SGCZ: variants seen among roughly 807,000 people sequenced by gnomAD.
The protein encoded by SGCZ is zeta-sarcoglycan.
SGCZ carries 40 observed loss-of-function variants against 41.3 expected under a neutral mutation model. The ratio of observed to expected loss-of-function variants is 0.97; its 90% CI spans 0.75 to 1.26. The LOEUF (loss-of-function observed/expected upper bound fraction) is 1.26. Among genes scored for constraint, SGCZ ranks in the 50% most tolerant of loss-of-function variants. The probability of loss-of-function intolerance (pLI) is 0.00; values close to 1 mark genes in which losing one functional copy is unlikely to be tolerated. For synonymous variants in SGCZ, 206 were observed against 137.5 expected (o/e 1.50, Z -3.49); for missense variants, 552 against 369.8 (o/e 1.49, Z -4.04).
intron 2 of SGCZ, among the ~76,000 whole-genome samples, chr8:14,469,945 T>C (rs973084571): frequency 6.6e-6 from 1 of 152,158 alleles, no homozygotes; most frequent in African/African-American, 2.4e-5. Context: ...TAAATGTGTT[T>C]ATCTGAGTTC....
At chr8:14,870,165 T>A (rs571731111) in intron 1 of SGCZ, among the ~76,000 whole-genome samples, 24 of 152,206 alleles carry the variant, frequency 1.6e-4, no homozygotes, top group African/African-American at 5.8e-4. Context: ...CTACCTGACT[T>A]CAAACTATGA....
intron 4 of SGCZ, among the ~76,000 whole-genome samples, chr8:14,217,328 T>TAC (rs1554480531): frequency 7.2e-6 from 1 of 139,100 alleles, no homozygotes; most frequent in African/African-American, 2.7e-5. Context: ...GCTCTATAGA[T>TAC]ACACACACAC....
At chr8:14,510,777 A>G (rs555949567) in intron 2 of SGCZ, among the ~76,000 whole-genome samples, 14 of 152,252 alleles carry the variant, frequency 9.2e-5, no homozygotes, top group African/African-American at 2.6e-4. Flanking sequence ...TGTGAATCGC[A>G]TTTTGCTCCT....
chr8:14,639,609 T>C (rs1806953241), intron 1 of SGCZ, among the ~76,000 whole-genome samples: 1 of 151,760 alleles, frequency 6.6e-6, no homozygotes, highest in Non-Finnish European at 1.5e-5. Context: ...ATGTATCTAT[T>C]CATGTATAGC....
At chr8:14,237,559 C>T (rs745728779) in intron 4 of SGCZ, 33 bp downstream of exon 4, 2 of 1,586,032 alleles carry the variant, frequency 1.3e-6, no homozygotes, top group South Asian at 1.1e-5. Flanking sequence ...AAACCAAGCA[C>T]AGTAGGAGCA....
At chr8:14,997,129 A>G (rs982352322) in intron 1 of SGCZ, among the ~76,000 whole-genome samples, 2 of 152,110 alleles carry the variant, frequency 1.3e-5, no homozygotes, top group African/African-American at 4.8e-5. Flanking sequence ...CCACGATTGC[A>G]TATCTCTTTG....
chr8:14,298,377 T>C (rs767262861), intron 3 of SGCZ, among the ~76,000 whole-genome samples: 8 of 152,002 alleles, frequency 5.3e-5, no homozygotes, highest in African/African-American at 9.6e-5. Context: ...AAGAATAAAA[T>C]ACATAATACT....
intron 1 of SGCZ, among the ~76,000 whole-genome samples, chr8:14,620,936 T>C (rs1806263567): frequency 6.6e-6 from 1 of 152,182 alleles, no homozygotes; most frequent in Non-Finnish European, 1.5e-5. Context: ...ATCCCATTAC[T>C]GGGTATATAC....
At chr8:14,337,214 T>G (rs1360718458) in intron 2 of SGCZ, among the ~76,000 whole-genome samples, 1 of 152,130 alleles carries the variant, frequency 6.6e-6, no homozygotes, top group Non-Finnish European at 1.5e-5. Context: ...TCTGCAATTG[T>G]CCCCTTCCTT....
intron 1 of SGCZ, among the ~76,000 whole-genome samples, chr8:14,831,771 T>TACACACACGTATATATGTGTGTAC (rs1802537380): frequency 1.4e-5 from 2 of 146,336 alleles, no homozygotes; most frequent in Non-Finnish European, 3.0e-5. Context: ...TATACATATA[T>TACACACACGTATATATGTGTGTAC]ACACACACGT....
chr8:14,539,199 C>T (rs1260612064), intron 2 of SGCZ, among the ~76,000 whole-genome samples: 1 of 152,022 alleles, frequency 6.6e-6, no homozygotes, highest in African/African-American at 2.4e-5. Flanking sequence ...CGTATCTTCC[C>T]TGGGCCTCCC....
At position 15,015,739 on chromosome 8, in the gene SGCZ, G is replaced by A. The variant is rs1412628033; in HGVS notation, c.39+221846C>T. On this transcript the variant is annotated intron_variant, in intron 1 of 7. Transcript: ENST00000382080. ...AAGAAATATACACGTGTGTGTGTGT[G>A]TGTGTGTGTGTGTGTGTGTGTGTGT... 8.8e-3 allele frequency among the ~76,000 whole-genome samples: 1,258 copies of A among 143,636 alleles called. 12 individuals are homozygous for A. Among genetic ancestry groups the A allele is most frequent in the South Asian group, 0.023 (97 of 4,168 alleles). 94.2% of individuals were successfully genotyped at this position (143,636 alleles called of 152,430 possible). A position where few individuals can be genotyped will look rare whatever the true frequency, so the allele number is the denominator to read the frequency against.
intron 1 of SGCZ, chr8:14,879,052 T>G (rs1225174028): frequency 1.3e-5 from 2 of 152,068 alleles, no homozygotes; most frequent in Admixed American, 1.3e-4. Flanking sequence ...AGGCCAGGTG[T>G]GGTGGCTCAT....
rs567324181 is a variant in SGCZ, at chr8:14,851,413, G to A, written c.40-296487C>T. 1.8e-4 allele frequency among the ~76,000 whole-genome samples: 24 copies of A among 135,816 alleles called. No homozygotes were observed. The East Asian group carries it at 4.3e-3, about 24-fold the overall frequency. The allele number at this position is 135,816 out of a possible 152,430, so 89.1% of individuals were successfully genotyped here. ...AAAGAAAAAAAGAAAAAAGAAAAAA[G>A]TATTCAAGGTAGTGATATGATCACA... On this transcript the variant is annotated intron_variant, in intron 1 of 7. Coordinates refer to ENST00000382080, the MANE Select transcript of SGCZ (RefSeq NM_139167.4).
chr8:15,187,521 CTT>C (rs978191450), intron 1 of SGCZ, among the ~76,000 whole-genome samples: 9 of 152,066 alleles, frequency 5.9e-5, no homozygotes, highest in African/African-American at 2.2e-4. Context: ...AAGTTTATCT[CTT>C]TTACTGCATG....
At position 14,851,719 on chromosome 8, in the gene SGCZ, A is replaced by C. The variant is rs143482036; in HGVS notation, c.40-296793T>G. Among the ~76,000 whole-genome samples the C allele has an allele frequency of 4.1e-3, 619 of 152,252 alleles. 3 individuals carry two copies. The highest frequency in any genetic ancestry group is 0.018 in the South Asian group (86 of 4,818). On this transcript the variant is annotated intron_variant, in intron 1 of 7. Coordinates refer to ENST00000382080, the MANE Select transcript of SGCZ (RefSeq NM_139167.4). ...ATAGAACATGATTTTCCATTTATAT[A>C]TATCTATCCTTTGTGTCATTATTAT...
chr8:14,589,491 A>G (rs1805173008), intron 1 of SGCZ, among the ~76,000 whole-genome samples: 1 of 152,216 alleles, frequency 6.6e-6, no homozygotes, highest in Non-Finnish European at 1.5e-5. Flanking sequence ...ATAGCTTTGG[A>G]ATCAGACATA....
intron 1 of SGCZ, among the ~76,000 whole-genome samples, chr8:14,590,294 A>G (rs1805200318): frequency 6.6e-6 from 1 of 152,046 alleles, no homozygotes; most frequent in African/African-American, 2.4e-5. Context: ...CATAAACAGG[A>G]GTTAAAGAAA....
intron 1 of SGCZ, among the ~76,000 whole-genome samples, chr8:14,914,692 C>G (rs1353029341): frequency 6.6e-6 from 1 of 152,096 alleles, no homozygotes; most frequent in Non-Finnish European, 1.5e-5. Context: ...CTTTCAAATG[C>G]TATTACAAAA....
Sources: gnomAD v4.1 joint callset for allele counts (sites outside exome capture counted in the v4.1 genomes callset) on GRCh38, gnomAD v4.1.1 for gene constraint, MANE v1.5 for transcripts, NCBI Gene and HGNC (gene_info 2026-07-23, HGNC 2026-07-21) for gene names.